The following PTPRG variants were observed in gnomAD, a reference collection of about 807,000 sequenced individuals.
PTPRG encodes the protein protein tyrosine phosphatase receptor type G.
In PTPRG, 102 loss-of-function variants were observed where a neutral mutation model predicts 165.3. That is an observed-to-expected ratio of 0.62 (90% confidence interval 0.53 to 0.73). PTPRG has a LOEUF of 0.73. PTPRG is among the 30% of genes least tolerant of loss of function. The pLI, the probability that PTPRG is intolerant of heterozygous loss-of-function variation, is 0.00. For synonymous variants in PTPRG, 675 were observed against 669.5 expected (o/e 1.01, Z -0.13); for missense variants, 1,866 against 1,861.4 (o/e 1.00, Z -0.05).
At chr3:61,584,993 G>A (rs1290701372) in intron 1 of PTPRG, among the ~76,000 whole-genome samples, 1 of 152,150 alleles carries the variant, frequency 6.6e-6, no homozygotes, top group African/African-American at 2.4e-5. Flanking sequence ...GAAAATAGGG[G>A]AATTCAGCTG....
At chr3:61,674,133 A>G (rs904666843) in intron 1 of PTPRG, among the ~76,000 whole-genome samples, 1 of 151,924 alleles carries the variant, frequency 6.6e-6, no homozygotes, top group Non-Finnish European at 1.5e-5. Flanking sequence ...ATACCTATGT[A>G]ACAAACCTGC....
chr3:62,191,524 G>A lies in PTPRG; in HGVS notation c.1089G>A (p.Leu363=). 1 of 1,614,152 alleles carries A rather than the reference G, an allele frequency of 6.2e-7. No individual in the cohort carries two copies. The change falls in exon 9 of 30, where the codon CTG becomes CTA. Residue 363 remains leucine (L), a synonymous_variant. Coordinates refer to ENST00000474889, the MANE Select transcript of PTPRG (RefSeq NM_002841.4). ...TGCAGCCTCTGAACCAGACGGCACT[G>A]CAGGTGTCCTGGAGCCAGCCGGAGA... The part of the protein sequence containing the change: ...MKVQPLNQTA[L]QVSWSQPETI...
chr3:61,576,284 A>AT, intron 1 of PTPRG, among the ~76,000 whole-genome samples: 1 of 152,314 alleles, frequency 6.6e-6, no homozygotes, highest in African/African-American at 2.4e-5. Flanking sequence ...AAAGGTTCAT[A>AT]GCTACTCTTC....
Position 62,233,738 on chromosome 3 carries a change from C to T in PTPRG, c.2375+2427C>T, listed in dbSNP as rs1015981391. On this transcript the variant is annotated intron_variant, in intron 14 of 29. Transcript: ENST00000474889. The surrounding 1 kb of genome is among the most constrained non-coding windows in gnomAD (Gnocchi z 4.7). Reference sequence around the variant, plus strand: ...ACAGCAGGAAGGAAGGAGACTGTGCCGCTAAGACGCGTTGCACAGAGAATT... The same window carrying T: ...ACAGCAGGAAGGAAGGAGACTGTGCTGCTAAGACGCGTTGCACAGAGAATT... Among the ~76,000 whole-genome samples the T allele has an allele frequency of 2.0e-5, 3 of 152,118 alleles. No homozygotes were observed. The highest frequency in any genetic ancestry group is 2.9e-5 in the Non-Finnish European group (2 of 68,040).
intron 2 of PTPRG, among the ~76,000 whole-genome samples, chr3:61,802,246 G>C (rs1340890465): frequency 6.6e-6 from 1 of 152,144 alleles, no homozygotes; most frequent in African/African-American, 2.4e-5. Context: ...TTGCCAGTTT[G>C]GGTGGAACTT....
intron 2 of PTPRG, among the ~76,000 whole-genome samples, chr3:61,973,122 C>A (rs2040421016): frequency 6.6e-6 from 1 of 152,180 alleles, no homozygotes; most frequent in African/African-American, 2.4e-5. Flanking sequence ...ACTGAGGATA[C>A]AAAGAGAATG....
intron 3 of PTPRG, among the ~76,000 whole-genome samples, chr3:61,999,660 TC>T (rs2041124850): frequency 6.6e-6 from 1 of 152,228 alleles, no homozygotes; most frequent in South Asian, 2.1e-4. Context: ...TTTATTTATT[TC>T]ATTTTGATTA....
chr3:61,811,944 C>T (rs890609789), intron 2 of PTPRG, among the ~76,000 whole-genome samples: 1 of 152,180 alleles, frequency 6.6e-6, no homozygotes, highest in Non-Finnish European at 1.5e-5. Flanking sequence ...TCTGCGCTTT[C>T]TCTCCATTTG....
At chr3:61,605,044 G>C (rs17065071) in intron 1 of PTPRG, among the ~76,000 whole-genome samples, 4,083 of 152,138 alleles carry the variant, frequency 0.027, 190 homozygotes, top group African/African-American at 0.093. Flanking sequence ...TTTCTTGTTG[G>C]ATCATGCCAC....
At chr3:61,892,434 C>G (rs1392923111) in intron 2 of PTPRG, among the ~76,000 whole-genome samples, 1 of 152,182 alleles carries the variant, frequency 6.6e-6, no homozygotes, top group Non-Finnish European at 1.5e-5. Flanking sequence ...AGGCACATCT[C>G]AAACTCCTTG....
chr3:61,835,933 G>T (rs943578361), intron 2 of PTPRG, among the ~76,000 whole-genome samples: 2 of 151,748 alleles, frequency 1.3e-5, no homozygotes, highest in East Asian at 4.0e-4. Context: ...CCAGCTACTT[G>T]GGAGGCTAAG....
chr3:62,106,532 A>C (rs1185438422), intron 5 of PTPRG, among the ~76,000 whole-genome samples: 1 of 124,236 alleles, frequency 8.0e-6, no homozygotes, highest in Admixed American at 9.6e-5. Context: ...GCTTGATCTC[A>C]CTCTGTTGCC....
chr3:62,106,543 C>T (rs1702479503), intron 5 of PTPRG, among the ~76,000 whole-genome samples: 1 of 148,282 alleles, frequency 6.7e-6, no homozygotes, highest in Admixed American at 6.8e-5. Context: ...CTCTGTTGCC[C>T]AGGCTGGGGT....
chr3:61,630,222 ATGGAGT>A (rs1386468339), intron 1 of PTPRG, among the ~76,000 whole-genome samples: 3 of 152,204 alleles, frequency 2.0e-5, no homozygotes, highest in Admixed American at 2.0e-4. Context: ...GGTCTTTTTT[ATGGAGT>A]TGTAGATAGA....
In PTPRG at chr3:62,012,280, C is replaced by T. The variant is rs532731289; in HGVS notation, c.519+8783C>T. ...TCCAGAATCTGGGCTCGAATATCTC[C>T]AACACCTTAACCATAATTGGTTTTA... On this transcript the variant is annotated intron_variant, in intron 4 of 29. Coordinates refer to ENST00000474889, the MANE Select transcript of PTPRG (RefSeq NM_002841.4). Among the ~76,000 whole-genome samples the T allele has an allele frequency of 2.0e-5, 3 of 152,284 alleles. No individual in the cohort carries two copies. In the East Asian group the frequency reaches 5.8e-4, roughly 29 times the overall value.
chr3:61,625,641 T>C (rs1199413130), intron 1 of PTPRG, among the ~76,000 whole-genome samples: 1 of 152,176 alleles, frequency 6.6e-6, no homozygotes, highest in Non-Finnish European at 1.5e-5. Context: ...GTCATACACG[T>C]CATGGGATGT....
chr3:61,579,518 T>C (rs1450736480), intron 1 of PTPRG, among the ~76,000 whole-genome samples: 4 of 152,232 alleles, frequency 2.6e-5, no homozygotes, highest in Non-Finnish European at 4.4e-5. Context: ...ACACACTTTA[T>C]CTGTAATTCA....
chr3:62,173,926 A>T (rs1705317876), intron 8 of PTPRG, among the ~76,000 whole-genome samples: 1 of 152,216 alleles, frequency 6.6e-6, no homozygotes, highest in Non-Finnish European at 1.5e-5. Flanking sequence ...AGTCATCTTA[A>T]TATTGTATTG....
intron 1 of PTPRG, among the ~76,000 whole-genome samples, chr3:61,682,432 A>T (rs556863567): frequency 6.6e-6 from 1 of 152,182 alleles, no homozygotes; most frequent in Non-Finnish European, 1.5e-5. Context: ...GTTGACAGTA[A>T]TGGGTATGGG....
Sources: allele counts gnomAD v4.1 joint callset (sites outside exome capture counted in the v4.1 genomes callset), GRCh38; gene constraint gnomAD v4.1.1; non-coding constraint Gnocchi (gnomAD v3.1); transcripts MANE v1.5; gene names NCBI Gene and HGNC (gene_info 2026-07-23, HGNC 2026-07-21).